The following IGSF9B variants were observed in gnomAD, a reference collection of about 807,000 sequenced individuals.
IGSF9B encodes the protein immunoglobulin superfamily member 9B.
IGSF9B carries 48 observed loss-of-function variants against 143.7 expected under a neutral mutation model. That is an observed-to-expected ratio of 0.33 (90% CI 0.26 to 0.42). IGSF9B has a LOEUF of 0.42. Ranked by LOEUF, IGSF9B falls within the 20% of genes least tolerant of loss-of-function variation. The pLI, the probability that IGSF9B is intolerant of heterozygous loss-of-function variation, is 1.00. For synonymous variants in IGSF9B, 903 were observed against 833.1 expected, an observed-to-expected ratio of 1.08 and a Z score of -1.44; for missense variants, 1,706 against 1,980.0, an observed-to-expected ratio of 0.86 and a Z score of 2.63.
chr11:133,935,649 G>A lies in IGSF9B; in HGVS notation c.935C>T (p.Ser312Phe). 2 of 1,610,616 alleles carry A rather than the reference G, an allele frequency of 1.2e-6. No individual in the cohort carries two copies. Among genetic ancestry groups the A allele is most frequent in the Non-Finnish European group, 1.7e-6 (2 of 1,178,742 alleles). The change falls in exon 7 of 20, where the codon TCC becomes TTC. Residue 312 changes from serine (S) to phenylalanine (F), a missense_variant. By Grantham distance (155) the Ser-to-Phe change is radical (BLOSUM62 -2). Coordinates refer to ENST00000533871, the MANE Select transcript of IGSF9B (RefSeq NM_001277285.4). The stretch of plus-strand genomic sequence containing the variant: ...GGTCAGGTACGCCGAGGCGGAGGGG[G>A]AGCGCCCCAGGCTGTTGCTGGGCAC... Reference protein sequence around the residue: ...TCVPSNSLGRSPSASAYLTVQ... With the variant: ...TCVPSNSLGRFPSASAYLTVQ...
chr11:133,932,138 A>C lies in IGSF9B; in HGVS notation c.1043T>G (p.Val348Gly). ...CACGGTGGCCGGTGGTTCTGCGTCC[A>C]CAGGGCAGCGGATGTAGCCATGGAT... ...VGIHGYIRCP[V>G]DAEPPATVVK... is the part of the protein sequence containing the mutation. Residue 348 changes from valine to glycine, a missense_variant, in exon 8 of 20, where the codon GTG (valine) becomes GGG (glycine). Coordinates refer to ENST00000533871, the MANE Select transcript of IGSF9B (RefSeq NM_001277285.4). 6.2e-7 allele frequency: 1 copy of C among 1,612,956 alleles called. No individual in the cohort carries two copies. Among genetic ancestry groups the C allele is most frequent in the Non-Finnish European group, 8.5e-7 (1 of 1,179,520 alleles).
intron 3 of IGSF9B, among the ~76,000 whole-genome samples, chr11:133,943,011 C>A (rs533305377): frequency 6.6e-6 from 1 of 152,280 alleles, no homozygotes; most frequent in African/African-American, 2.4e-5. Flanking sequence ...TGGACAAGTT[C>A]TCAGACCCAA....
intron 3 of IGSF9B, among the ~76,000 whole-genome samples, chr11:133,940,545 T>C (rs761947756): frequency 0.013 from 979 of 77,460 alleles, 7 homozygotes; most frequent in Non-Finnish European, 0.018. Context: ...ACACCTCGCA[T>C]GTCCTCGCAC....
rs758904382 is a variant in IGSF9B, at chr11:133,920,049, G to A, written c.3676C>T (p.Pro1226Ser). 2.6e-6 allele frequency: 4 copies of A among 1,558,272 alleles called. No homozygotes were observed. Among genetic ancestry groups the A allele is most frequent in the Non-Finnish European group, 3.5e-6 (4 of 1,154,274 alleles). The change falls in exon 18 of 20, where the codon CCG (proline) becomes TCG (serine). Residue 1226 changes from proline to serine, a missense_variant. Physicochemically the swap from Pro to Ser is moderately conservative, Grantham distance 74. Coordinates refer to ENST00000533871, the MANE Select transcript of IGSF9B (RefSeq NM_001277285.4). ...PELAARARPR[P>S]GLLQQAEMSE... ...ATCTCTGCCTGCTGCAGGAGGCCCG[G>A]GCGAGGCCGGGCACGGGCGGCGAGC...
rs376944502 is a variant in IGSF9B, at chr11:133,920,000, G to A, written c.3725C>T (p.Pro1242Leu). 73 of 1,582,056 alleles carry A rather than the reference G, an allele frequency of 4.6e-5. No homozygotes were observed. The highest frequency in any genetic ancestry group is 2.0e-4 in the African/African-American group (15 of 73,602). Reference sequence around the variant, plus strand: ...CTTTCGAGAAAAGCTGACTGCAGCCGGCGGCTGCAGGGTGATCTCTGACAT... The same window carrying A: ...CTTTCGAGAAAAGCTGACTGCAGCCAGCGGCTGCAGGGTGATCTCTGACAT... ...AEMSEITLQP[P>L]AAVSFSRKST... Residue 1242 changes from proline to leucine, a missense_variant, in exon 18 of 20, where the codon CCG becomes CTG. By Grantham distance (98) the Pro-to-Leu change is moderately conservative. Transcript: ENST00000533871.
Position 133,930,929 on chromosome 11 carries a change from C to T in IGSF9B, c.1519+55G>A, listed in dbSNP as rs558799105. 525 of 1,520,558 alleles carry T rather than the reference C, an allele frequency of 3.5e-4. 8 individuals are homozygous for T. In the South Asian group the frequency reaches 6.2e-3, roughly 18 times the overall value. 94.2% of individuals were successfully genotyped at this position (1,520,558 alleles called of 1,614,324 possible). On this transcript the variant is annotated intron_variant, in intron 11 of 19. Transcript: ENST00000533871. ...ACGCTCCCAGCGTCCAGCACCCCGC[C>T]CCCAGCCAGCCTGCTCTGTCCCCGC...
In IGSF9B at chr11:133,905,873, CCT is replaced by C. The variant is rs1230082462; in HGVS notation, c.*3194_*3195del. On this transcript the variant is annotated 3_prime_UTR_variant, in exon 20 of 20. Coordinates refer to ENST00000533871, the MANE Select transcript of IGSF9B (RefSeq NM_001277285.4). This position sits in a 1 kb window ranked among gnomAD's most constrained non-coding sequence, Gnocchi z 4.0. ...CACCAGCAAATCAAGACAGGCTTCG[CCT>C]CTCTGCCTCGTCGTACATCTTCTCT... Among the ~76,000 whole-genome samples, 3 of 152,222 alleles carry C rather than the reference CCT, an allele frequency of 2.0e-5. No individual in the cohort carries two copies. The highest frequency in any genetic ancestry group is 4.8e-5 in the African/African-American group (2 of 41,464).
At chr11:133,927,267 C>A (rs577971742) in intron 12 of IGSF9B, among the ~76,000 whole-genome samples, 176 bp from the exon 13 acceptor site, 6 of 152,372 alleles carry the variant, frequency 3.9e-5, no homozygotes, top group Non-Finnish European at 8.8e-5. Flanking sequence ...TTTGGCTGTG[C>A]CAATCCTCCT....
chr11:133,908,970 G>A lies in IGSF9B; in HGVS notation c.*99C>T. On this transcript the variant is annotated 3_prime_UTR_variant, in exon 20 of 20. Transcript: ENST00000533871. ...GGGGGCATGCAGGACAAAGGTCTGG[G>A]CCGCCCTTGGCAGACGGAGGAGGAC... The A allele has an allele frequency of 1.9e-6, 2 of 1,058,324 alleles. No individual in the cohort carries two copies. The highest frequency in any genetic ancestry group is 2.7e-6 in the Non-Finnish European group (2 of 731,190). The allele number at this position is 1,058,324 out of a possible 1,614,324, so 65.6% of individuals were successfully genotyped here.
chr11:133,935,168 C>T (rs372215353), intron 7 of IGSF9B, among the ~76,000 whole-genome samples: 3 of 152,176 alleles, frequency 2.0e-5, no homozygotes, highest in Admixed American at 6.5e-5. Context: ...ACATCGCCCC[C>T]GACACAGACG....
chr11:133,920,339 A>G lies in IGSF9B; in HGVS notation c.3386T>C (p.Leu1129Pro). 6.3e-7 allele frequency: 1 copy of G among 1,598,050 alleles called. No homozygotes were observed. The highest frequency in any genetic ancestry group is 1.7e-4 in the Middle Eastern group (1 of 5,960). The change falls in exon 18 of 20, where the codon CTG (leucine) becomes CCG (proline). Residue 1129 changes from leucine to proline, a missense_variant. Transcript: ENST00000533871. ...ATGTCGCAGCTGCCCTTGGCTTACC[A>G]GAGGTTGCATAGGTCTGTCCTGCCA... ...AKWQDRPMQP[L>P]VSQGQLRHTS...
Position 133,901,905 on chromosome 11 carries a change from C to T in IGSF9B, c.*7164G>A, listed in dbSNP as rs991831662. ...ACACACACACAACACACACACAACACACCACACACAACACACACCAAACCA... is the reference window on the plus strand; with the variant it reads ...ACACACACACAACACACACACAACATACCACACACAACACACACCAAACCA... On this transcript the variant is annotated 3_prime_UTR_variant, in exon 20 of 20. Transcript: ENST00000533871. 3.4e-5 allele frequency among the ~76,000 whole-genome samples: 5 copies of T among 146,128 alleles called. No homozygotes were observed. Among genetic ancestry groups the T allele is most frequent in the African/African-American group, 1.0e-4 (4 of 39,450 alleles).
chr11:133,912,059 T>G (rs1208352297), intron 18 of IGSF9B, 52 bp from the exon 19 acceptor site: 1 of 1,485,110 alleles, frequency 6.7e-7, no homozygotes, highest in African/African-American at 1.4e-5. Flanking sequence ...GTGTGAGGCT[T>G]TGGAAGAGGG....
chr11:133,921,471 C>A, intron 17 of IGSF9B, 74 bp from the exon 18 acceptor site: 1 of 1,169,022 alleles, frequency 8.6e-7, no homozygotes, highest in South Asian at 1.7e-5. Flanking sequence ...TTCCCTCTCT[C>A]GGCAACCACC....
intron 18 of IGSF9B, among the ~76,000 whole-genome samples, chr11:133,916,377 A>C (rs1164745705): frequency 6.6e-6 from 1 of 152,214 alleles, no homozygotes; most frequent in Non-Finnish European, 1.5e-5. Flanking sequence ...CGTGGACAAG[A>C]GCTGTCACAA....
chr11:133,922,352 G>T, intron 16 of IGSF9B, 130 bp from the exon 17 acceptor site: 1 of 980,840 alleles, frequency 1.0e-6, no homozygotes, highest in Non-Finnish European at 1.6e-6. Context: ...GGGCATCTTT[G>T]GCCCCTGCCT....
chr11:133,939,068 A>G (rs965895827), intron 3 of IGSF9B, among the ~76,000 whole-genome samples: 6 of 152,226 alleles, frequency 3.9e-5, no homozygotes, highest in African/African-American at 1.4e-4. Context: ...TCAGAGCGCT[A>G]TAGGATCTTG....
Position 133,922,204 on chromosome 11 carries a change from G to A in IGSF9B, c.2300C>T (p.Thr767Ile). 1 of 1,613,046 alleles carries A rather than the reference G, an allele frequency of 6.2e-7. No individual in the cohort carries two copies. Among genetic ancestry groups the A allele is most frequent in the Non-Finnish European group, 8.5e-7 (1 of 1,179,548 alleles). ...KRKKDPPLSI[T>I]HCRKSLESPL... ...AGACTCCAGGCTCTTCCTGCAGTGG[G>A]TGATGGAGAGTGGAGGGTCTGGAAG... Residue 767 changes from threonine (T) to isoleucine (I), a missense_variant, in exon 17 of 20, where the codon ACC becomes ATC. Transcript: ENST00000533871.
At chr11:133,918,406 C>T (rs971723651) in intron 18 of IGSF9B, among the ~76,000 whole-genome samples, 6 of 152,032 alleles carry the variant, frequency 3.9e-5, no homozygotes, top group African/African-American at 1.2e-4. Context: ...ACCGGACAGG[C>T]GAGGCCGGAG....
Sources: gnomAD v4.1 joint callset for allele counts (sites outside exome capture counted in the v4.1 genomes callset) on GRCh38, gnomAD v4.1.1 for gene constraint, Gnocchi (gnomAD v3.1) non-coding constraint, MANE v1.5 for transcripts, NCBI Gene and HGNC (gene_info 2026-07-23, HGNC 2026-07-21) for gene names.